Variants in ITGA9 observed in about 807,000 individuals in gnomAD.
The protein encoded by ITGA9 is integrin subunit alpha 9.
ITGA9 carries 56 observed loss-of-function variants against 127.8 expected under a neutral mutation model. The ratio of observed to expected loss-of-function variants is 0.44; its 90% CI spans 0.35 to 0.55. ITGA9 has a LOEUF of 0.55. Ranked by LOEUF, ITGA9 falls within the 20% of genes least tolerant of loss-of-function variation. The pLI, the probability that ITGA9 is intolerant of heterozygous loss-of-function variation, is 0.00. For synonymous variants in ITGA9, 508 were observed against 514.5 expected (o/e 0.99, Z 0.17); for missense variants, 1,196 against 1,347.1 (o/e 0.89, Z 1.76).
intron 15 of ITGA9, among the ~76,000 whole-genome samples, chr3:37,593,028 G>A (rs907546663): frequency 6.6e-6 from 1 of 152,110 alleles, no homozygotes; most frequent in Non-Finnish European, 1.5e-5. Flanking sequence ...AATAACCAGG[G>A]GGAAAAAAGC....
At chr3:37,509,130 C>A (rs528068789) in intron 8 of ITGA9, among the ~76,000 whole-genome samples, 32 of 152,294 alleles carry the variant, frequency 2.1e-4, no homozygotes, top group African/African-American at 7.7e-4. Context: ...TTGCCTGATT[C>A]CTCTTAGAAC....
intron 5 of ITGA9, among the ~76,000 whole-genome samples, chr3:37,499,233 T>G (rs745932572): frequency 2.6e-5 from 4 of 152,262 alleles, no homozygotes; most frequent in Non-Finnish European, 4.4e-5. Context: ...CCAGCTGGGC[T>G]GGCGTTCACG....
intron 23 of ITGA9, among the ~76,000 whole-genome samples, chr3:37,763,834 C>T (rs1696748856): frequency 6.6e-6 from 1 of 152,140 alleles, no homozygotes; most frequent in Non-Finnish European, 1.5e-5. Flanking sequence ...TTTTCCTCGC[C>T]TTCACCCTCA....
chr3:37,775,602 C>T (rs183604540), intron 23 of ITGA9, among the ~76,000 whole-genome samples: 4 of 150,066 alleles, frequency 2.7e-5, no homozygotes, highest in African/African-American at 7.3e-5. Flanking sequence ...GCCAAGATCG[C>T]GCCACTGCAC....
intron 18 of ITGA9, among the ~76,000 whole-genome samples, chr3:37,727,758 A>G (rs563854758): frequency 1.3e-5 from 2 of 152,334 alleles, no homozygotes; most frequent in South Asian, 4.1e-4. Context: ...TCATTTTAAC[A>G]ATGGTCACTT....
At chr3:37,715,692 A>C (rs368180553) in intron 18 of ITGA9, among the ~76,000 whole-genome samples, 4 of 152,220 alleles carry the variant, frequency 2.6e-5, no homozygotes, top group Non-Finnish European at 5.9e-5. Context: ...TTGTTTAAAA[A>C]ATCCTGGTTT....
At chr3:37,652,169 G>C (rs1700435403) in intron 16 of ITGA9, among the ~76,000 whole-genome samples, 1 of 152,038 alleles carries the variant, frequency 6.6e-6, no homozygotes, top group African/African-American at 2.4e-5. Flanking sequence ...GTTTGTGCAA[G>C]GCTTCCCTAG....
At chr3:37,636,977 G>C (rs1700285242) in intron 16 of ITGA9, among the ~76,000 whole-genome samples, 2 of 152,100 alleles carry the variant, frequency 1.3e-5, no homozygotes, top group South Asian at 4.1e-4. Context: ...GCTCTGTTCT[G>C]TTCCATTGGT....
chr3:37,722,852 G>A (rs568204887), intron 18 of ITGA9, among the ~76,000 whole-genome samples: 1 of 152,260 alleles, frequency 6.6e-6, no homozygotes, highest in African/African-American at 2.4e-5. Context: ...GGATTGCTGG[G>A]TTACATGGTA....
At chr3:37,804,308 C>T (rs1473864909) in intron 27 of ITGA9, among the ~76,000 whole-genome samples, 2 of 152,006 alleles carry the variant, frequency 1.3e-5, no homozygotes, top group East Asian at 1.9e-4. Flanking sequence ...TAGAACAATT[C>T]TTCCTTCTTT....
At chr3:37,676,617 A>G (rs893300059) in intron 17 of ITGA9, among the ~76,000 whole-genome samples, 3 of 152,240 alleles carry the variant, frequency 2.0e-5, no homozygotes, top group Admixed American at 1.3e-4. Flanking sequence ...GGAACCACTT[A>G]TAGCTGACTA....
chr3:37,795,246 G>A (rs538320119), intron 26 of ITGA9, among the ~76,000 whole-genome samples: 47 of 152,236 alleles, frequency 3.1e-4, no homozygotes, highest in African/African-American at 1.0e-3. Flanking sequence ...CTGTCCCTCC[G>A]TCTCTGGAAG....
chr3:37,762,735 C>T (rs1214362929), intron 23 of ITGA9, among the ~76,000 whole-genome samples: 1 of 152,186 alleles, frequency 6.6e-6, no homozygotes, highest in African/African-American at 2.4e-5. Flanking sequence ...TGGGATAAAA[C>T]ATTTTGATTT....
At chr3:37,703,679 T>C (rs545981084) in intron 18 of ITGA9, among the ~76,000 whole-genome samples, 1 of 152,362 alleles carries the variant, frequency 6.6e-6, no homozygotes, top group Admixed American at 6.5e-5. Context: ...GCTTGCACTT[T>C]TCTCTGTTCT....
At chr3:37,636,634 T>C (rs1164687298) in intron 16 of ITGA9, among the ~76,000 whole-genome samples, 2 of 152,344 alleles carry the variant, frequency 1.3e-5, no homozygotes, top group East Asian at 3.9e-4. Flanking sequence ...CTCTTTAGTT[T>C]AATTAGATCC....
At chr3:37,536,728 G>A (rs1699211683) in intron 14 of ITGA9, among the ~76,000 whole-genome samples, 1 of 152,246 alleles carries the variant, frequency 6.6e-6, no homozygotes. Flanking sequence ...AATACTGTAG[G>A]AAATACAGAC....
chr3:37,551,903 G>A (rs1026346882), intron 15 of ITGA9, among the ~76,000 whole-genome samples: 4 of 152,258 alleles, frequency 2.6e-5, no homozygotes, highest in South Asian at 2.1e-4. Context: ...CGGATGAGCC[G>A]TGTGGACACA....
At chr3:37,468,115 T>A (rs1192406755) in intron 1 of ITGA9, among the ~76,000 whole-genome samples, 1 of 152,100 alleles carries the variant, frequency 6.6e-6, no homozygotes, top group African/African-American at 2.4e-5. Context: ...CAAAGGGCTG[T>A]GGGTTCCAGC....
chr3:37,640,082 T>C (rs980742113), intron 16 of ITGA9, among the ~76,000 whole-genome samples: 16 of 152,218 alleles, frequency 1.1e-4, no homozygotes, highest in African/African-American at 3.9e-4. Context: ...GGTCTTTCAC[T>C]GCGGTAGGCA....
Sources: gnomAD v4.1 joint callset for allele counts (sites outside exome capture counted in the v4.1 genomes callset) on GRCh38, gnomAD v4.1.1 for gene constraint, MANE v1.5 for transcripts, NCBI Gene and HGNC (gene_info 2026-07-23, HGNC 2026-07-21) for gene names.